Variants in TMEM132D observed in about 807,000 individuals in gnomAD.
The protein encoded by TMEM132D is transmembrane protein 132D.
Under a neutral mutation model 62.3 loss-of-function variants are expected in TMEM132D, and 21 were observed. That is an observed-to-expected ratio of 0.34 (90% CI 0.24 to 0.49). TMEM132D has a LOEUF of 0.49. Among genes scored for constraint, TMEM132D ranks in the 20% least tolerant of loss-of-function variants. TMEM132D has a pLI of 0.99. For missense variants in TMEM132D, 1,346 were observed against 1,402.8 expected (o/e 0.96, Z 0.65); for synonymous variants, 621 against 575.6 (o/e 1.08, Z -1.13).
intron 2 of TMEM132D, among the ~76,000 whole-genome samples, chr12:129,648,629 G>A (rs957933721): frequency 5.3e-5 from 8 of 152,110 alleles, no homozygotes; most frequent in African/African-American, 1.9e-4. Context: ...AATATTTATT[G>A]ATGAATAATT....
chr12:129,902,359 G>T (rs578083398), intron 1 of TMEM132D, among the ~76,000 whole-genome samples: 1 of 152,312 alleles, frequency 6.6e-6, no homozygotes, highest in Non-Finnish European at 1.5e-5. Context: ...TCCTCCCAGT[G>T]TATCTATCTG....
At chr12:129,582,163 A>G (rs1032354625) in intron 2 of TMEM132D, among the ~76,000 whole-genome samples, 1 of 152,226 alleles carries the variant, frequency 6.6e-6, no homozygotes, top group Non-Finnish European at 1.5e-5. Context: ...CACAGTCCAC[A>G]TGGCCGATCC....
At chr12:129,221,855 G>T (rs946476477) in intron 4 of TMEM132D, among the ~76,000 whole-genome samples, 2 of 152,034 alleles carry the variant, frequency 1.3e-5, no homozygotes. Context: ...ATGGGCTGTG[G>T]GTTTTTTATT....
At chr12:129,695,683 T>G (rs1305691136) in intron 2 of TMEM132D, among the ~76,000 whole-genome samples, 1 of 152,260 alleles carries the variant, frequency 6.6e-6, no homozygotes, top group Non-Finnish European at 1.5e-5. Context: ...AAGCTGCATC[T>G]GGTCCCTCTC....
At chr12:129,373,688 C>T (rs3929573) in intron 3 of TMEM132D, among the ~76,000 whole-genome samples, 48,726 of 151,910 alleles carry the variant, frequency 0.32, 8,487 homozygotes, top group Middle Eastern at 0.39. Context: ...CATTTAAAAG[C>T]GGCAGGAAGC....
At chr12:129,539,441 G>A (rs1477536454) in intron 2 of TMEM132D, among the ~76,000 whole-genome samples, 1 of 131,076 alleles carries the variant, frequency 7.6e-6, no homozygotes, top group Admixed American at 8.6e-5. Flanking sequence ...GTCTCACTCT[G>A]TCACCCAGAC....
intron 2 of TMEM132D, among the ~76,000 whole-genome samples, chr12:129,585,997 T>C (rs1878021167): frequency 6.6e-6 from 1 of 152,144 alleles, no homozygotes; most frequent in African/African-American, 2.4e-5. Context: ...ATAATAATAA[T>C]TAAAGGAGAA....
intron 1 of TMEM132D, among the ~76,000 whole-genome samples, chr12:129,861,559 G>A (rs1249031214): frequency 6.6e-6 from 1 of 152,064 alleles, no homozygotes; most frequent in Non-Finnish European, 1.5e-5. Context: ...ACAGTAGTTC[G>A]AGACCAGCCT....
In TMEM132D at chr12:129,830,933, C is replaced by T. The variant is rs562402346; in HGVS notation, c.79+72328G>A. 1.2e-4 allele frequency among the ~76,000 whole-genome samples: 18 copies of T among 152,226 alleles called. No individual in the cohort carries two copies. In the South Asian group the frequency reaches 3.7e-3, roughly 32 times the overall value. On this transcript the variant is annotated intron_variant, in intron 1 of 8. Coordinates refer to ENST00000422113, the MANE Select transcript of TMEM132D (RefSeq NM_133448.3). ...CTCAAATTTCTAAGTCACGAGAATT[C>T]AAGTGTTGGAGACACCCCAGGACTC...
At chr12:129,787,030 C>T (rs568438417) in intron 1 of TMEM132D, among the ~76,000 whole-genome samples, 39 of 152,198 alleles carry the variant, frequency 2.6e-4, no homozygotes, top group South Asian at 6.2e-4. Context: ...CCAGGATCCC[C>T]GCTGGTGCAG....
chr12:129,703,216 G>A (rs372543227), intron 1 of TMEM132D, among the ~76,000 whole-genome samples: 2 of 152,262 alleles, frequency 1.3e-5, no homozygotes. Context: ...ATCTGACCCC[G>A]ACTACTTGAG....
chr12:129,466,470 C>A (rs1873909524), intron 3 of TMEM132D, among the ~76,000 whole-genome samples: 1 of 152,042 alleles, frequency 6.6e-6, no homozygotes, highest in African/African-American at 2.4e-5. Context: ...CAGGCACGCA[C>A]TACTGTGCCT....
intron 2 of TMEM132D, among the ~76,000 whole-genome samples, chr12:129,629,739 C>T (rs1466098762): frequency 2.0e-5 from 3 of 152,028 alleles, no homozygotes; most frequent in African/African-American, 7.2e-5. Flanking sequence ...GCTCAGTATG[C>T]ATGACCTTGT....
chr12:129,462,711 G>C (rs952075080), intron 3 of TMEM132D, among the ~76,000 whole-genome samples: 5 of 152,162 alleles, frequency 3.3e-5, no homozygotes, highest in Non-Finnish European at 2.9e-5. Flanking sequence ...TGGCAATTAA[G>C]TTTTGGCTAC....
intron 4 of TMEM132D, among the ~76,000 whole-genome samples, chr12:129,287,602 C>G (rs1345833752): frequency 7.2e-5 from 11 of 152,178 alleles, no homozygotes; most frequent in Non-Finnish European, 2.9e-5. Flanking sequence ...AGGAACCTTA[C>G]AGTGGAGAAA....
chr12:129,207,363 A>G (rs10847795), intron 5 of TMEM132D, among the ~76,000 whole-genome samples: 15,590 of 152,038 alleles, frequency 0.1, 2,073 homozygotes, highest in African/African-American at 0.29. Flanking sequence ...AGATGAATAC[A>G]ACAAACAAAA....
intron 2 of TMEM132D, among the ~76,000 whole-genome samples, chr12:129,623,075 A>G (rs547926429): frequency 5.3e-5 from 8 of 152,260 alleles, no homozygotes; most frequent in Non-Finnish European, 1.0e-4. Context: ...AGATGGAGAG[A>G]AAGAGACTGA....
intron 3 of TMEM132D, among the ~76,000 whole-genome samples, chr12:129,504,340 G>A (rs757926893): frequency 1.2e-4 from 18 of 152,126 alleles, no homozygotes; most frequent in Admixed American, 1.3e-4. Flanking sequence ...TTCTTTGAAT[G>A]TCTTGTAGAA....
intron 4 of TMEM132D, among the ~76,000 whole-genome samples, chr12:129,268,081 C>T (rs1880744944): frequency 6.6e-6 from 1 of 152,156 alleles, no homozygotes; most frequent in Admixed American, 6.5e-5. Context: ...CATAAAAACC[C>T]TAGAAGAAAA....
Sources: gnomAD v4.1 joint callset for allele counts (sites outside exome capture counted in the v4.1 genomes callset) on GRCh38, gnomAD v4.1.1 for gene constraint, MANE v1.5 for transcripts, NCBI Gene and HGNC (gene_info 2026-07-23, HGNC 2026-07-21) for gene names.